Variants in SPIN1 observed in about 807,000 individuals in gnomAD.
SPIN1 encodes the protein spindlin 1, also known as spindlin-1.
In SPIN1, 3 loss-of-function variants were observed where a neutral mutation model predicts 26.0. The ratio of observed to expected loss-of-function variants is 0.12; its 90% CI spans 0.05 to 0.30. SPIN1 has a LOEUF of 0.30. Among genes scored for constraint, SPIN1 ranks in the 10% least tolerant of loss-of-function variants. The pLI is 1.00. For synonymous variants in SPIN1, 101 were observed against 116.5 expected (o/e 0.87, Z 0.86); for missense variants, 126 against 333.4 (o/e 0.38, Z 4.84).
chr9:88,401,350 G>T (rs977176851), intron 1 of SPIN1, among the ~76,000 whole-genome samples: 5 of 151,872 alleles, frequency 3.3e-5, no homozygotes, highest in Non-Finnish European at 5.9e-5. Context: ...TTAATAATAA[G>T]AGGTTGATAG....
chr9:88,397,023 C>T (rs986751111), intron 1 of SPIN1, among the ~76,000 whole-genome samples: 1 of 152,022 alleles, frequency 6.6e-6, no homozygotes, highest in Non-Finnish European at 1.5e-5. Context: ...CTGGAAGTTG[C>T]TCTGGGTTGA....
intron 1 of SPIN1, chr9:88,416,556 A>G (rs1172078199): frequency 6.6e-6 from 1 of 152,184 alleles, no homozygotes; most frequent in Admixed American, 6.5e-5. Context: ...TGCTGCTGCT[A>G]GTTCTAAACT....
chr9:88,393,149 C>A (rs1339399655), intron 1 of SPIN1, among the ~76,000 whole-genome samples: 1 of 93,408 alleles, frequency 1.1e-5, no homozygotes, highest in South Asian at 3.4e-4. Context: ...TTTTTTTTTT[C>A]CTGAAGGGAG....
intron 1 of SPIN1, among the ~76,000 whole-genome samples, chr9:88,410,358 C>T (rs1827416112): frequency 6.6e-6 from 1 of 152,134 alleles, no homozygotes; most frequent in Non-Finnish European, 1.5e-5. Context: ...GTCACAAATA[C>T]AGTCCTCGAG....
intron 3 of SPIN1, among the ~76,000 whole-genome samples, chr9:88,451,069 CAT>C (rs1343079425): frequency 6.7e-6 from 1 of 149,634 alleles, no homozygotes. Flanking sequence ...AGCTTTTTAG[CAT>C]AGATTCCTTT....
rs553519269 is a variant in SPIN1, at chr9:88,455,491, G to A, written c.101+6502G>A. Among the ~76,000 whole-genome samples the A allele has an allele frequency of 3.1e-3, 468 of 152,278 alleles. 2 individuals are homozygous for A. The highest frequency in any genetic ancestry group is 0.01 in the African/African-American group (436 of 41,556). The stretch of plus-strand genomic sequence containing the variant: ...AGTTGTGTTTTATGTGGCTGCAAAA[G>A]TGAAATACTTAAGTTGTAGAAAATT... On this transcript the variant is annotated intron_variant, in intron 3 of 5. Coordinates refer to ENST00000375859, the MANE Select transcript of SPIN1 (RefSeq NM_006717.3).
chr9:88,407,273 A>G (rs1827330514), intron 1 of SPIN1, among the ~76,000 whole-genome samples: 1 of 151,770 alleles, frequency 6.6e-6, no homozygotes, highest in Non-Finnish European at 1.5e-5. Flanking sequence ...AATAGCTGGG[A>G]CTACATACAG....
intron 1 of SPIN1, among the ~76,000 whole-genome samples, chr9:88,412,650 C>A (rs1398906982): frequency 1.3e-5 from 2 of 151,982 alleles, no homozygotes; most frequent in East Asian, 1.9e-4. Flanking sequence ...ATATTACTAC[C>A]CTGTTAAACA....
intron 1 of SPIN1, among the ~76,000 whole-genome samples, chr9:88,408,011 C>T (rs1827345684): frequency 1.3e-5 from 2 of 151,986 alleles, no homozygotes; most frequent in Admixed American, 1.3e-4. Flanking sequence ...AAGGGATCTG[C>T]CTGCCTCAGT....
rs192421691 is a variant in SPIN1 at position 88,398,973 on chromosome 9, G to A, written c.-159+10435G>A. ...ACGTATATGGGATATGTGTGTGTAT[G>A]TATTAAGGCATTTGTTACAGTGATT... On this transcript the variant is annotated intron_variant, in intron 1 of 5. Coordinates refer to ENST00000375859, the MANE Select transcript of SPIN1 (RefSeq NM_006717.3). 3.3e-3 allele frequency among the ~76,000 whole-genome samples: 505 copies of A among 151,956 alleles called. 4 individuals are homozygous for A. The highest frequency in any genetic ancestry group is 0.011 in the African/African-American group (468 of 41,480).
chr9:88,472,759 G>C (rs2118234450), intron 5 of SPIN1, among the ~76,000 whole-genome samples: 1 of 152,248 alleles, frequency 6.6e-6, no homozygotes, highest in East Asian at 1.9e-4. Flanking sequence ...AAAGTGCTGG[G>C]ATTAAAGGCG....
At chr9:88,430,290 C>T (rs1341094750) in intron 2 of SPIN1, among the ~76,000 whole-genome samples, 2 of 152,200 alleles carry the variant, frequency 1.3e-5, no homozygotes, top group East Asian at 3.9e-4. Flanking sequence ...GCCACCCGGC[C>T]TCCTGGGCAT....
chr9:88,388,772 C>A (rs996288908), intron 1 of SPIN1, among the ~76,000 whole-genome samples: 1 of 149,870 alleles, frequency 6.7e-6, no homozygotes, highest in Admixed American at 6.6e-5. Flanking sequence ...TTCGCCGGCC[C>A]CTACTCCTCC....
At chr9:88,468,690 G>T in intron 5 of SPIN1, 85 bp downstream of exon 5, 1 of 844,544 alleles carries the variant, frequency 1.2e-6, no homozygotes, top group Non-Finnish European at 1.7e-6. Flanking sequence ...CTCTTTTGCA[G>T]ATACATTTTT....
intron 3 of SPIN1, chr9:88,457,827 A>G (rs1162784947): frequency 4.1e-6 from 4 of 981,602 alleles, no homozygotes; most frequent in Non-Finnish European, 4.8e-6. Context: ...TGAGAAAAAA[A>G]TGTGAAAATA....
intron 5 of SPIN1, among the ~76,000 whole-genome samples, chr9:88,473,629 T>G (rs1206960639): frequency 6.8e-6 from 1 of 146,252 alleles, no homozygotes; most frequent in Admixed American, 6.6e-5. Flanking sequence ...TCCCTCTCCT[T>G]TAATTCTCCA....
At chr9:88,467,489 G>A (rs1337721149) in intron 4 of SPIN1, among the ~76,000 whole-genome samples, 1 of 152,172 alleles carries the variant, frequency 6.6e-6, no homozygotes. Context: ...ACTCCAAAAG[G>A]AACCGGCCTT....
intron 3 of SPIN1, among the ~76,000 whole-genome samples, chr9:88,460,376 C>T (rs1332681822): frequency 6.6e-6 from 1 of 152,152 alleles, no homozygotes; most frequent in Non-Finnish European, 1.5e-5. Flanking sequence ...TTTGGTAGTT[C>T]TCACATCTTC....
chr9:88,470,626 G>C (rs954345563), intron 5 of SPIN1, among the ~76,000 whole-genome samples: 33 of 145,852 alleles, frequency 2.3e-4, no homozygotes, highest in Admixed American at 9.0e-4. Context: ...ACAGAGTCTT[G>C]CTCTGTCGCC....
Sources: gnomAD v4.1 joint callset for allele counts (sites outside exome capture counted in the v4.1 genomes callset) on GRCh38, gnomAD v4.1.1 for gene constraint, MANE v1.5 for transcripts, NCBI Gene and HGNC (gene_info 2026-07-23, HGNC 2026-07-21) for gene names.